The following PITPNA variants were observed in gnomAD, a reference collection of about 807,000 sequenced individuals.
PITPNA encodes the protein phosphatidylinositol transfer protein alpha.
PITPNA carries 13 observed loss-of-function variants against 50.3 expected under a neutral mutation model. The observed-to-expected ratio is 0.26, with a 90% CI of 0.17 to 0.41. The LOEUF is 0.41. Ranked by LOEUF, PITPNA falls within the 10% of genes least tolerant of loss-of-function variation. The pLI is 1.00. For synonymous variants in PITPNA, 120 were observed against 119.6 expected (o/e 1.00, Z -0.02); for missense variants, 207 against 333.4 (o/e 0.62, Z 2.95).
At chr17:1,546,773 A>G (rs1407560671) in intron 4 of PITPNA, among the ~76,000 whole-genome samples, 1 of 152,236 alleles carries the variant, frequency 6.6e-6, no homozygotes. Context: ...TTGGAAGGCT[A>G]AGAATCTGAA....
intron 3 of PITPNA, among the ~76,000 whole-genome samples, chr17:1,549,599 T>C (rs1042302261): frequency 6.2e-5 from 9 of 144,566 alleles, no homozygotes; most frequent in Non-Finnish European, 1.2e-4. Flanking sequence ...TACAGTGGCG[T>C]GAGCCACCGT....
intron 7 of PITPNA, among the ~76,000 whole-genome samples, chr17:1,537,752 C>T (rs555316076): frequency 3.0e-4 from 46 of 152,232 alleles, no homozygotes; most frequent in South Asian, 1.9e-3. Context: ...GGCAAGGAAG[C>T]ACAAGATGGT....
At chr17:1,552,954 TCA>T (rs760371972) in intron 3 of PITPNA, 48 bp downstream of exon 3, 29 of 1,581,324 alleles carry the variant, frequency 1.8e-5, no homozygotes, top group Admixed American at 3.4e-5. Context: ...TAACACTCAT[TCA>T]CACACACACA....
chr17:1,536,472 G>A (rs1353457688), intron 7 of PITPNA, among the ~76,000 whole-genome samples: 14 of 151,742 alleles, frequency 9.2e-5, no homozygotes, highest in Admixed American at 9.2e-4. Flanking sequence ...TGTATTTTTA[G>A]TAGAGACGGG....
At chr17:1,535,933 T>A in intron 7 of PITPNA, 1 of 198,608 alleles carries the variant, frequency 5.0e-6, no homozygotes, top group South Asian at 8.6e-5. Flanking sequence ...TGTTTTTTGT[T>A]TTTTTAAATC....
At chr17:1,529,965 T>C (rs550316995) in intron 10 of PITPNA, among the ~76,000 whole-genome samples, 17 of 152,342 alleles carry the variant, frequency 1.1e-4, no homozygotes, top group Admixed American at 9.2e-4. Flanking sequence ...GAGGTACTTG[T>C]TCAGTGAATT....
intron 10 of PITPNA, among the ~76,000 whole-genome samples, chr17:1,533,016 C>T (rs1033770927): frequency 2.6e-5 from 4 of 152,070 alleles, no homozygotes; most frequent in African/African-American, 7.2e-5. Flanking sequence ...AGACACCGTC[C>T]GTGCAGCATG....
intron 4 of PITPNA, among the ~76,000 whole-genome samples, chr17:1,545,444 T>C (rs1232064167): frequency 6.6e-6 from 1 of 152,184 alleles, no homozygotes; most frequent in Non-Finnish European, 1.5e-5. Flanking sequence ...GTATCTCTTA[T>C]TTTAAAAGAG....
intron 10 of PITPNA, among the ~76,000 whole-genome samples, chr17:1,526,615 C>G (rs781679012): frequency 1.6e-4 from 25 of 152,328 alleles, no homozygotes; most frequent in South Asian, 1.4e-3. Flanking sequence ...TGAGAGTTCA[C>G]CACCTGGCTT....
chr17:1,557,335 T>C (rs1315714704), intron 2 of PITPNA, among the ~76,000 whole-genome samples: 1 of 152,212 alleles, frequency 6.6e-6, no homozygotes, highest in African/African-American at 2.4e-5. Context: ...CAGGCTCTGC[T>C]GGCCTGATTT....
intron 10 of PITPNA, among the ~76,000 whole-genome samples, chr17:1,533,399 G>T (rs2075595742): frequency 6.6e-6 from 1 of 152,162 alleles, no homozygotes; most frequent in South Asian, 2.1e-4. Flanking sequence ...GGTAGGGAGA[G>T]CAGCAGCGCC....
intron 10 of PITPNA, among the ~76,000 whole-genome samples, chr17:1,526,016 C>T (rs1026261816): frequency 2.6e-5 from 4 of 152,210 alleles, no homozygotes; most frequent in Admixed American, 6.5e-5. Context: ...TTTCCAAACA[C>T]CCCCCTCCAC....
chr17:1,557,276 C>T (rs1468337157), intron 2 of PITPNA, among the ~76,000 whole-genome samples: 1 of 152,206 alleles, frequency 6.6e-6, no homozygotes, highest in Non-Finnish European at 1.5e-5. Flanking sequence ...TCTGCCCACC[C>T]CTCTCGGGGG....
intron 1 of PITPNA, among the ~76,000 whole-genome samples, chr17:1,559,159 C>G (rs192821343): frequency 1.3e-5 from 2 of 152,286 alleles, no homozygotes; most frequent in Admixed American, 1.3e-4. Context: ...AGAACACACA[C>G]CGGGCATCTC....
At chr17:1,554,390 ATTTTTTTTTTTT>A (rs61238602) in intron 2 of PITPNA, among the ~76,000 whole-genome samples, 10 of 66,092 alleles carry the variant, frequency 1.5e-4, no homozygotes, top group East Asian at 4.1e-4. Flanking sequence ...GTGTTTCTCT[ATTTTTTTTTTTT>A]TTTTTTTTTT....
intron 10 of PITPNA, among the ~76,000 whole-genome samples, chr17:1,530,105 A>G (rs1462076605): frequency 3.3e-5 from 5 of 152,146 alleles, no homozygotes; most frequent in Non-Finnish European, 5.9e-5. Flanking sequence ...ATAGGCACAC[A>G]GGAAGTCCTC....
At chr17:1,550,065 C>A (rs1039000082) in intron 3 of PITPNA, among the ~76,000 whole-genome samples, 1 of 152,192 alleles carries the variant, frequency 6.6e-6, no homozygotes, top group Non-Finnish European at 1.5e-5. Flanking sequence ...GAAAGAAGAG[C>A]AAACTAGAGC....
rs759979094 is a variant in PITPNA, at chr17:1,553,071, C to A, written c.130G>T (p.Val44Leu). ...CCGTCCTTCTCGTAGGGCTCATTCA[C>A]CAGGACCTCCACGCCTTCGCCACCA... The part of the protein sequence containing the change: ...TGGGEGVEVL[V>L]NEPYEKDGEK... Residue 44 changes from valine (V) to leucine (L), a missense_variant, in exon 3 of 12, where the codon GTG becomes TTG. Val to Leu is a conservative substitution (Grantham distance 32, BLOSUM62 1). Transcript: ENST00000313486. 1.9e-6 allele frequency: 3 copies of A among 1,613,966 alleles called. No homozygotes were observed. Among genetic ancestry groups the A allele is most frequent in the Non-Finnish European group, 1.7e-6 (2 of 1,179,876 alleles).
At chr17:1,522,071 CTTTT>C (rs1555530261) in intron 10 of PITPNA, among the ~76,000 whole-genome samples, 1 of 141,618 alleles carries the variant, frequency 7.1e-6, no homozygotes, top group Admixed American at 7.0e-5. Flanking sequence ...TATGAAACAT[CTTTT>C]TTTTTTTGAG....
Sources: allele counts gnomAD v4.1 joint callset (sites outside exome capture counted in the v4.1 genomes callset), GRCh38; gene constraint gnomAD v4.1.1; transcripts MANE v1.5; gene names NCBI Gene and HGNC (gene_info 2026-07-23, HGNC 2026-07-21).